The following DCAF8 variants were observed in gnomAD, a reference collection of about 807,000 sequenced individuals.
The protein encoded by DCAF8 is DDB1 and CUL4 associated factor 8, also known as DDB1- and CUL4-associated factor 8.
A neutral mutation model predicts 68.0 loss-of-function variants in DCAF8; 20 were observed. That is an observed-to-expected ratio of 0.29 (90% CI 0.21 to 0.43). The LOEUF is 0.43. DCAF8 is among the 20% of genes least tolerant of loss of function. The pLI is 1.00. For synonymous variants in DCAF8, 230 were observed against 276.9 expected (o/e 0.83, Z 1.68); for missense variants, 460 against 771.0 (o/e 0.60, Z 4.78).
At chr1:160,236,373 T>G (rs1221751247) in intron 6 of DCAF8, among the ~76,000 whole-genome samples, 1 of 151,342 alleles carries the variant, frequency 6.6e-6, no homozygotes, top group Non-Finnish European at 1.5e-5. Flanking sequence ...TATATAAACA[T>G]ATATGTGTGT....
intron 6 of DCAF8, among the ~76,000 whole-genome samples, chr1:160,234,786 A>C (rs1417499090): frequency 6.6e-6 from 1 of 152,026 alleles, no homozygotes; most frequent in Admixed American, 6.5e-5. Context: ...TGATTTCCTC[A>C]AAGTCAGATA....
At position 160,256,766 on chromosome 1, in the gene DCAF8, T is replaced by A. The variant is rs775404538; in HGVS notation, c.-27+4519A>T. Among the ~76,000 whole-genome samples, 217 of 152,336 alleles carry A rather than the reference T, an allele frequency of 1.4e-3. 1 individual carries two copies. Among genetic ancestry groups the A allele is most frequent in the Non-Finnish European group, 2.0e-3 (133 of 68,034 alleles). ...ATGACATCTTTGTCATATTAATTAC[T>A]CCCCAATGCCCTATTGGCAACCTCA... On this transcript the variant is annotated intron_variant, in intron 2 of 13. Coordinates refer to ENST00000368074, the MANE Select transcript of DCAF8 (RefSeq NM_015726.4).
chr1:160,238,810 A>G (rs1484019731), intron 4 of DCAF8, 63 bp from the exon 5 acceptor site: 2 of 1,469,084 alleles, frequency 1.4e-6, no homozygotes, highest in Non-Finnish European at 1.8e-6. Flanking sequence ...ACTTGAGAAT[A>G]AAAAATACGA....
chr1:160,244,129 T>G, intron 2 of DCAF8, 95 bp from the exon 3 acceptor site: 4 of 938,050 alleles, frequency 4.3e-6, no homozygotes, highest in African/African-American at 1.7e-5. Flanking sequence ...ACAGGTTTTA[T>G]CATTTTTATA....
At chr1:160,243,902 GA>G in intron 3 of DCAF8, 57 bp downstream of exon 3, 1 of 1,565,752 alleles carries the variant, frequency 6.4e-7, no homozygotes, top group Non-Finnish European at 8.8e-7. Flanking sequence ...ATCTTGCAGG[GA>G]GGAGGACAAC....
intron 2 of DCAF8, among the ~76,000 whole-genome samples, chr1:160,252,462 A>G (rs1656635055): frequency 1.3e-5 from 2 of 152,242 alleles, no homozygotes; most frequent in African/African-American, 4.8e-5. Context: ...AAGAAAAGAT[A>G]TGGAGGTTAA....
chr1:160,237,520 A>G (rs970873362), intron 5 of DCAF8, among the ~76,000 whole-genome samples: 3 of 152,020 alleles, frequency 2.0e-5, no homozygotes, highest in Non-Finnish European at 2.9e-5. Flanking sequence ...AACATCAGCC[A>G]TTAGAGTTCA....
At position 160,231,437 on chromosome 1, in the gene DCAF8, T is replaced by C. The variant is rs778578196; in HGVS notation, c.960-30A>G. 9 of 1,546,754 alleles carry C rather than the reference T, an allele frequency of 5.8e-6. No individual in the cohort carries two copies. In the Admixed American group the frequency reaches 1.2e-4, roughly 20 times the overall value. ...AAGAGTAGAAAAGCACAGAAAGTTATATACTCCAAAAGATCCAAATGGTCA... is the reference window on the plus strand; with the variant it reads ...AAGAGTAGAAAAGCACAGAAAGTTACATACTCCAAAAGATCCAAATGGTCA... On this transcript the variant is annotated intron_variant, in intron 6 of 13. Coordinates refer to ENST00000368074, the MANE Select transcript of DCAF8 (RefSeq NM_015726.4).
chr1:160,245,600 A>G (rs1422283758), intron 2 of DCAF8, among the ~76,000 whole-genome samples: 3 of 152,268 alleles, frequency 2.0e-5, no homozygotes, highest in African/African-American at 7.2e-5. Flanking sequence ...ACTGAACTTC[A>G]GGAAGGGACA....
At chr1:160,219,031 T>C (rs2101712281) in intron 11 of DCAF8, 63 bp from the exon 12 acceptor site, 2 of 1,594,552 alleles carry the variant, frequency 1.3e-6, no homozygotes, top group South Asian at 2.3e-5. Flanking sequence ...TAAAAACCAC[T>C]ACTCACCTTG....
At chr1:160,231,231 C>G in intron 7 of DCAF8, 66 bp downstream of exon 7, 1 of 1,070,082 alleles carries the variant, frequency 9.3e-7, no homozygotes, top group Non-Finnish European at 1.4e-6. Flanking sequence ...CATAAAGGAG[C>G]ACCTGGTAGT....
chr1:160,252,383 G>C (rs957811366), intron 2 of DCAF8, among the ~76,000 whole-genome samples: 1 of 152,186 alleles, frequency 6.6e-6, no homozygotes, highest in Non-Finnish European at 1.5e-5. Flanking sequence ...TAGCTTTTAA[G>C]ATGGGCTTTA....
intron 7 of DCAF8, among the ~76,000 whole-genome samples, chr1:160,226,497 G>A (rs1297436883): frequency 6.6e-6 from 1 of 152,186 alleles, no homozygotes; most frequent in African/African-American, 2.4e-5. Flanking sequence ...AATACAGTGA[G>A]GAACAAGACA....
At chr1:160,248,438 T>C (rs927038075) in intron 2 of DCAF8, among the ~76,000 whole-genome samples, 3 of 152,004 alleles carry the variant, frequency 2.0e-5, no homozygotes, top group African/African-American at 7.2e-5. Context: ...CCTTTAAAAC[T>C]GTCGCAACAG....
chr1:160,252,594 A>G (rs1445655192), intron 2 of DCAF8, among the ~76,000 whole-genome samples: 1 of 152,260 alleles, frequency 6.6e-6, no homozygotes, highest in Non-Finnish European at 1.5e-5. Context: ...GTCAGGCATC[A>G]GAGAAATTAT....
At chr1:160,243,164 A>T (rs1434349913) in intron 3 of DCAF8, among the ~76,000 whole-genome samples, 3 of 152,184 alleles carry the variant, frequency 2.0e-5, no homozygotes, top group African/African-American at 4.8e-5. Context: ...AGAGGTGAAG[A>T]GCTGGTTAAA....
chr1:160,260,719 T>C (rs1200258512), intron 2 of DCAF8, among the ~76,000 whole-genome samples: 1 of 152,060 alleles, frequency 6.6e-6, no homozygotes, highest in Non-Finnish European at 1.5e-5. Flanking sequence ...GCCACTATTT[T>C]TTTTTTTTTT....
rs1008364105 is a variant in DCAF8, at chr1:160,224,848, T to A, written c.1201+214A>T. 2.6e-5 allele frequency among the ~76,000 whole-genome samples: 4 copies of A among 152,204 alleles called. No individual in the cohort carries two copies. The East Asian group carries it at 5.8e-4, about 22-fold the overall frequency. On this transcript the variant is annotated intron_variant, in intron 9 of 13. Coordinates refer to ENST00000368074, the MANE Select transcript of DCAF8 (RefSeq NM_015726.4). ...GCTTCAGGACAGGCCCTGCCAAATA[T>A]CATCTGCAGCATTCTGCAAATGGTA...
chr1:160,227,572 A>G (rs1655519795), intron 7 of DCAF8, among the ~76,000 whole-genome samples: 1 of 152,198 alleles, frequency 6.6e-6, no homozygotes, highest in African/African-American at 2.4e-5. Context: ...GTTTATTAAT[A>G]GCTTACTATA....
Sources: gnomAD v4.1 joint callset for allele counts (sites outside exome capture counted in the v4.1 genomes callset) on GRCh38, gnomAD v4.1.1 for gene constraint, MANE v1.5 for transcripts, NCBI Gene and HGNC (gene_info 2026-07-23, HGNC 2026-07-21) for gene names.